Variants in TXNDC11 observed in about 807,000 individuals in gnomAD.
TXNDC11 encodes thioredoxin domain-containing protein 11.
Under a neutral mutation model 78.0 loss-of-function variants are expected in TXNDC11, and 68 were observed. The observed-to-expected ratio is 0.87, with a 90% confidence interval of 0.72 to 1.07. The LOEUF (loss-of-function observed/expected upper bound fraction) is 1.07, where lower values mean the gene tolerates loss of function less well. Among genes scored for constraint, TXNDC11 ranks in the 50% least tolerant of loss-of-function variants. TXNDC11 has a pLI of 0.00. For synonymous variants in TXNDC11, 571 were observed against 495.2 expected, an observed-to-expected ratio of 1.15 and a Z score of -2.03; for missense variants, 1,389 against 1,221.8, an observed-to-expected ratio of 1.14 and a Z score of -2.04.
At chr16:11,738,475 A>C (rs1162740433) in intron 1 of TXNDC11, among the ~76,000 whole-genome samples, 1 of 152,230 alleles carries the variant, frequency 6.6e-6, no homozygotes, top group Non-Finnish European at 1.5e-5. Context: ...AGACAGGAAA[A>C]ACATCAAATG....
chr16:11,717,208 T>G (rs1232093036), intron 5 of TXNDC11, among the ~76,000 whole-genome samples: 3 of 148,476 alleles, frequency 2.0e-5, no homozygotes, highest in Non-Finnish European at 4.5e-5. Flanking sequence ...GGTGGATCAC[T>G]TGAGGTCAGG....
intron 4 of TXNDC11, among the ~76,000 whole-genome samples, chr16:11,724,525 G>A (rs1279909516): frequency 6.6e-6 from 1 of 152,054 alleles, no homozygotes; most frequent in Non-Finnish European, 1.5e-5. Flanking sequence ...GGACTTTTGG[G>A]GGCTGAGATG....
In TXNDC11 at chr16:11,742,679, C is replaced by T; in HGVS notation, c.52G>A (p.Glu18Lys). ...CCGCCGCCGCCCCCTCCCTCGTCCT[C>T]GGCGTCCTCGCTGCTGCTGCTGCCG... ...GGGSSSSEDA[E>K]DEGGGGGGPA... The change falls in exon 1 of 12, where the codon GAG becomes AAG. Residue 18 changes from glutamate to lysine, a missense_variant. Glu to Lys is a moderately conservative substitution (Grantham distance 56). Transcript: ENST00000283033. 6.8e-7 allele frequency: 1 copy of T among 1,471,730 alleles called. No individual in the cohort carries two copies. Among genetic ancestry groups the T allele is most frequent in the Non-Finnish European group, 8.9e-7 (1 of 1,118,974 alleles). 91.2% of individuals were successfully genotyped at this position (1,471,730 alleles called of 1,614,324 possible). A position where few individuals can be genotyped will look rare whatever the true frequency, so the allele number is the denominator to read the frequency against.
intron 4 of TXNDC11, among the ~76,000 whole-genome samples, chr16:11,722,455 A>C (rs1334402329): frequency 6.6e-6 from 1 of 152,208 alleles, no homozygotes. Flanking sequence ...GCACTCATTC[A>C]GTCAGGTTTT....
At chr16:11,740,706 G>C (rs2052365684) in intron 1 of TXNDC11, among the ~76,000 whole-genome samples, 1 of 152,218 alleles carries the variant, frequency 6.6e-6, no homozygotes, top group Non-Finnish European at 1.5e-5. Context: ...TGACAATAAA[G>C]GATTCAAATT....
intron 5 of TXNDC11, among the ~76,000 whole-genome samples, chr16:11,709,527 C>T (rs552375833): frequency 1.4e-5 from 2 of 144,516 alleles, no homozygotes; most frequent in African/African-American, 2.6e-5. Context: ...CTCCGCCTCC[C>T]GGGTTCACGC....
At chr16:11,698,546 C>T (rs911255495) in intron 6 of TXNDC11, among the ~76,000 whole-genome samples, 1 of 152,236 alleles carries the variant, frequency 6.6e-6, no homozygotes, top group African/African-American at 2.4e-5. Context: ...ACTTCCATAT[C>T]GTGTGATTCA....
intron 7 of TXNDC11, among the ~76,000 whole-genome samples, chr16:11,697,321 C>G (rs879239854): frequency 1.9e-4 from 29 of 152,344 alleles, no homozygotes; most frequent in Middle Eastern, 3.4e-3. Context: ...GTCTGCTTAG[C>G]TGGCCAGTGG....
chr16:11,712,468 T>C (rs2051390680), intron 5 of TXNDC11, among the ~76,000 whole-genome samples: 1 of 152,150 alleles, frequency 6.6e-6, no homozygotes, highest in African/African-American at 2.4e-5. Context: ...TGAGCAACCC[T>C]ACTTCTTGGC....
intron 1 of TXNDC11, among the ~76,000 whole-genome samples, chr16:11,740,374 A>AT (rs1413421336): frequency 1.6e-4 from 25 of 152,310 alleles, no homozygotes; most frequent in Admixed American, 3.3e-4. Context: ...AGCAGCAGCC[A>AT]TTTACTGGTT....
At chr16:11,689,749 T>C (rs929361824) in intron 8 of TXNDC11, among the ~76,000 whole-genome samples, 11 of 152,178 alleles carry the variant, frequency 7.2e-5, no homozygotes, top group African/African-American at 2.7e-4. Context: ...AAATACATGC[T>C]TGTAGGAACA....
intron 3 of TXNDC11, 114 bp from the exon 4 acceptor site, chr16:11,730,888 T>C: frequency 2.4e-6 from 2 of 819,908 alleles, no homozygotes. Context: ...TGTCTTGCTT[T>C]GGGATCCAAC....
chr16:11,740,509 A>T (rs2052360221), intron 1 of TXNDC11, among the ~76,000 whole-genome samples: 3 of 152,242 alleles, frequency 2.0e-5, no homozygotes, highest in Non-Finnish European at 4.4e-5. Flanking sequence ...GTCTCAGAAC[A>T]AACATTAACC....
chr16:11,717,303 T>G (rs1281485358), intron 5 of TXNDC11, among the ~76,000 whole-genome samples: 1 of 151,116 alleles, frequency 6.6e-6, no homozygotes, highest in Non-Finnish European at 1.5e-5. Flanking sequence ...GTGGGCGCAG[T>G]AGTGGGCGCC....
At chr16:11,739,864 T>A (rs75074673) in intron 1 of TXNDC11, among the ~76,000 whole-genome samples, 10,263 of 152,000 alleles carry the variant, frequency 0.068, 482 homozygotes, top group South Asian at 0.18. Flanking sequence ...GACATTTATT[T>A]CAAGCCTGGA....
chr16:11,694,743 GC>G (rs1892336967), intron 7 of TXNDC11, among the ~76,000 whole-genome samples: 1 of 152,232 alleles, frequency 6.6e-6, no homozygotes, highest in Admixed American at 6.5e-5. Flanking sequence ...GTGAGCCACT[GC>G]GCCCAGCCAG....
At position 11,688,081 on chromosome 16, in the gene TXNDC11, T is replaced by G. The variant is rs188551414; in HGVS notation, c.2044-115A>C. The G allele has an allele frequency of 6.2e-4, 600 of 963,532 alleles. 4 individuals are homozygous for G. The African/African-American group carries it at 9.0e-3, about 14-fold the overall frequency. The allele number at this position is 963,532 out of a possible 1,614,324, so 59.7% of individuals were successfully genotyped here. On this transcript the variant is annotated intron_variant, in intron 9 of 11. Coordinates refer to ENST00000283033, the MANE Select transcript of TXNDC11 (RefSeq NM_015914.7). The stretch of plus-strand genomic sequence containing the variant: ...CGAAAAATGCTACCTATGCAAATAT[T>G]ACAGTGAAAATTTTCATCTTTAGGT...
chr16:11,701,857 T>C (rs1567313964), intron 5 of TXNDC11, among the ~76,000 whole-genome samples: 1 of 152,138 alleles, frequency 6.6e-6, no homozygotes, highest in African/African-American at 2.4e-5. Context: ...CTGTACCGAC[T>C]ACAAGAATGG....
Position 11,742,591 on chromosome 16 carries a change from C to A in TXNDC11, c.140G>T (p.Arg47Leu). The stretch of plus-strand genomic sequence containing the variant: ...GGCGCCACGCAGCCCGCGACGGAGC[C>A]GGCCCGCCGAGGACGCTGTGGCCAG... ...PTLATASSAG[R>L]LRRGLRGAFL... Residue 47 changes from arginine to leucine, a missense_variant, in exon 1 of 12, where the codon CGG (arginine) becomes CTG (leucine). Physicochemically the swap from Arg to Leu is moderately radical, Grantham distance 102. Coordinates refer to ENST00000283033, the MANE Select transcript of TXNDC11 (RefSeq NM_015914.7). 6.9e-7 allele frequency: 1 copy of A among 1,457,328 alleles called. No homozygotes were observed. 90.3% of individuals were successfully genotyped at this position (1,457,328 alleles called of 1,614,324 possible).
Sources: allele counts gnomAD v4.1 joint callset (sites outside exome capture counted in the v4.1 genomes callset), GRCh38; gene constraint gnomAD v4.1.1; transcripts MANE v1.5; gene names NCBI Gene and HGNC (gene_info 2026-07-23, HGNC 2026-07-21).